The following TPRG1 variants were observed in gnomAD, a reference collection of about 807,000 sequenced individuals.
TPRG1 encodes tumor protein p63 regulated 1.
In TPRG1, 29 loss-of-function variants were observed where a neutral mutation model predicts 29.3. That is an observed-to-expected ratio of 0.99 (90% confidence interval 0.74 to 1.35). The LOEUF is 1.35. Ranked by LOEUF, TPRG1 falls within the 40% of genes most tolerant of loss-of-function variation. The pLI is 0.00. For missense variants in TPRG1, 327 were observed against 335.0 expected (o/e 0.98, Z 0.19); for synonymous variants, 130 against 116.8 (o/e 1.11, Z -0.73).
chr3:189,033,884 TTAA>T (rs910721107), intron 4 of TPRG1, among the ~76,000 whole-genome samples: 1 of 152,080 alleles, frequency 6.6e-6, no homozygotes, highest in African/African-American at 2.4e-5. Flanking sequence ...CCTACTCCTC[TTAA>T]TAAAAGAAAA....
At chr3:189,014,691 G>T (rs1441914604) in intron 3 of TPRG1, among the ~76,000 whole-genome samples, 1 of 152,076 alleles carries the variant, frequency 6.6e-6, no homozygotes, top group Non-Finnish European at 1.5e-5. Flanking sequence ...AAAGTGTGTG[G>T]CACTTCCCCC....
At chr3:189,025,907 C>T (rs1259419346) in intron 4 of TPRG1, among the ~76,000 whole-genome samples, 1 of 152,184 alleles carries the variant, frequency 6.6e-6, no homozygotes, top group African/African-American at 2.4e-5. Flanking sequence ...TTCAGAGATA[C>T]AGTTCTTCCT....
At position 189,078,567 on chromosome 3, in the gene TPRG1, C is replaced by T. The variant is rs561654313; in HGVS notation, c.-462-48490C>T. Among the ~76,000 whole-genome samples the T allele has an allele frequency of 3.1e-4, 47 of 152,280 alleles. 1 individual carries two copies. Among genetic ancestry groups the T allele is most frequent in the South Asian group, 2.3e-3 (11 of 4,820 alleles). On this transcript the variant is annotated intron_variant, in intron 4 of 10. Transcript: ENST00000433971. ...GGAATTGCCAATGAAATTTCTTACC[C>T]ATAGCTAGACTGCAGTCTAAATTGT...
chr3:189,124,743 T>C (rs1214337409), intron 1 of TPRG1, among the ~76,000 whole-genome samples: 2 of 152,174 alleles, frequency 1.3e-5, no homozygotes, highest in Non-Finnish European at 2.9e-5. Context: ...TAGTAATCTT[T>C]ATTTTTTCCT....
intron 3 of TPRG1, among the ~76,000 whole-genome samples, chr3:189,235,633 G>C (rs1268954900): frequency 1.3e-5 from 2 of 152,148 alleles, no homozygotes; most frequent in African/African-American, 4.8e-5. Flanking sequence ...AAAAATTCTA[G>C]GAATGGTGTG....
intron 1 of TPRG1, among the ~76,000 whole-genome samples, chr3:189,118,081 T>C (rs1721393050): frequency 6.6e-6 from 1 of 152,156 alleles, no homozygotes; most frequent in Non-Finnish European, 1.5e-5. Flanking sequence ...CAGGGAGATA[T>C]GGGAAAGTTT....
At chr3:189,074,203 T>C (rs1349234530) in intron 4 of TPRG1, among the ~76,000 whole-genome samples, 1 of 129,830 alleles carries the variant, frequency 7.7e-6, no homozygotes, top group Non-Finnish European at 1.5e-5. Flanking sequence ...ATTTTCCTTT[T>C]TTTTTTTTTT....
chr3:189,279,786 G>C (rs1430699583), intron 4 of TPRG1, among the ~76,000 whole-genome samples: 2 of 152,078 alleles, frequency 1.3e-5, no homozygotes, highest in African/African-American at 4.8e-5. Context: ...ACTAATTCAG[G>C]TTGTTTCTAG....
chr3:189,284,383 C>T (rs201833136), intron 4 of TPRG1, among the ~76,000 whole-genome samples: 44,041 of 129,858 alleles, frequency 0.34, 10,116 homozygotes, highest in African/African-American at 0.67. Context: ...GGCCCTGGTA[C>T]GTGATGTTCC....
chr3:189,018,063 T>C (rs2152123896), intron 3 of TPRG1, among the ~76,000 whole-genome samples: 1 of 152,302 alleles, frequency 6.6e-6, no homozygotes, highest in South Asian at 2.1e-4. Context: ...CTTTGCCCAC[T>C]TTTTGATGGG....
At chr3:189,163,929 C>T (rs148266303) in intron 5 of TPRG1, among the ~76,000 whole-genome samples, 1 of 150,376 alleles carries the variant, frequency 6.6e-6, no homozygotes, top group Non-Finnish European at 1.5e-5. Context: ...ATACCTTTAG[C>T]TAATAGTCTT....
intron 4 of TPRG1, among the ~76,000 whole-genome samples, chr3:189,063,797 C>T (rs777219359): frequency 6.6e-5 from 10 of 152,132 alleles, no homozygotes; most frequent in Admixed American, 2.0e-4. Context: ...TAAAAACTTA[C>T]TCTAGAAGCA....
chr3:189,201,642 A>T (rs781637776), intron 1 of TPRG1, among the ~76,000 whole-genome samples: 1 of 152,034 alleles, frequency 6.6e-6, no homozygotes, highest in South Asian at 2.1e-4. Flanking sequence ...GTTATACTCA[A>T]ATTGTTGTTT....
At chr3:189,208,053 G>A (rs719407) in intron 2 of TPRG1, among the ~76,000 whole-genome samples, 6,595 of 152,302 alleles carry the variant, frequency 0.043, 342 homozygotes, top group African/African-American at 0.12. Flanking sequence ...CAACGAGGGA[G>A]CAGGTAGCTT....
At chr3:189,314,115 G>A (rs1252426067) in intron 5 of TPRG1, among the ~76,000 whole-genome samples, 3 of 152,146 alleles carry the variant, frequency 2.0e-5, no homozygotes, top group Non-Finnish European at 2.9e-5. Flanking sequence ...TTCAGGATTG[G>A]GTAGATGGTG....
At chr3:189,291,450 A>G (rs1300590414) in intron 4 of TPRG1, among the ~76,000 whole-genome samples, 5 of 152,234 alleles carry the variant, frequency 3.3e-5, no homozygotes. Flanking sequence ...TGAGAAAGCC[A>G]TGCAGTACAT....
chr3:189,308,618 C>A (rs187187354), intron 4 of TPRG1, among the ~76,000 whole-genome samples: 233 of 152,296 alleles, frequency 1.5e-3, no homozygotes, highest in African/African-American at 5.3e-3. Context: ...TTTATAGTCA[C>A]ATTGACTGGT....
chr3:189,305,289 A>G (rs1468040874), intron 4 of TPRG1, among the ~76,000 whole-genome samples: 3 of 152,226 alleles, frequency 2.0e-5, no homozygotes, highest in Non-Finnish European at 4.4e-5. Flanking sequence ...ATATTAACTC[A>G]GACTGAGGAC....
intron 4 of TPRG1, among the ~76,000 whole-genome samples, chr3:189,083,157 C>T (rs1717714710): frequency 6.6e-6 from 1 of 152,114 alleles, no homozygotes; most frequent in Non-Finnish European, 1.5e-5. Flanking sequence ...ACAAGCATAA[C>T]CGCTGGGGCC....
Sources: gnomAD v4.1 joint callset for allele counts (sites outside exome capture counted in the v4.1 genomes callset) on GRCh38, gnomAD v4.1.1 for gene constraint, MANE v1.5 for transcripts, NCBI Gene and HGNC (gene_info 2026-07-23, HGNC 2026-07-21) for gene names.